The following RNF213 variants were observed in gnomAD, a reference collection of about 807,000 sequenced individuals.
RNF213 encodes ring finger protein 213.
Under a neutral mutation model 514.4 loss-of-function variants are expected in RNF213, and 341 were observed. That is an observed-to-expected ratio of 0.66 (90% CI 0.61 to 0.73). RNF213 has a LOEUF of 0.73. Among genes scored for constraint, RNF213 ranks in the 30% least tolerant of loss-of-function variants. The probability of loss-of-function intolerance (pLI) is 0.00; values close to 1 mark genes in which losing one functional copy is unlikely to be tolerated. For synonymous variants in RNF213, 2,655 were observed against 2,658.2 expected (o/e 1.00, Z 0.04); for missense variants, 5,767 against 6,615.6 (o/e 0.87, Z 4.45).
In RNF213 at chr17:80,339,821, G is replaced by A. The variant is rs371629445; in HGVS notation, c.5454G>A (p.Glu1818=). The A allele has an allele frequency of 2.3e-5, 36 of 1,535,016 alleles. No individual in the cohort carries two copies. In the South Asian group the frequency reaches 3.8e-4, roughly 16 times the overall value. The stretch of plus-strand genomic sequence containing the variant: ...CAGGGATGGGTGGGTCTCCCGTGGA[G>A]CGTTGTCTCCCGAGAGGTCTGCAGG... The part of the protein sequence containing the change: ...HLAGMGGSPV[E]RCLPRGLQVG... Residue 1818 remains glutamate (E), a synonymous_variant, in exon 26 of 68, where the codon GAG becomes GAA. Transcript: ENST00000582970.
Position 80,317,720 on chromosome 17 carries a change from A to C in RNF213, c.2901+443A>C, listed in dbSNP as rs1407360777. On this transcript the variant is annotated intron_variant, in intron 16 of 67. Coordinates refer to ENST00000582970, the MANE Select transcript of RNF213 (RefSeq NM_001256071.3). The surrounding 1 kb of genome is among the most constrained non-coding windows in gnomAD (Gnocchi z 4.1). ...GTGCCTGCAACCCCCGAAGCTCCAGAGGGCATGTTACAGTGCTCTCTTAGC... is the reference window on the plus strand; with the variant it reads ...GTGCCTGCAACCCCCGAAGCTCCAGCGGGCATGTTACAGTGCTCTCTTAGC... Among the ~76,000 whole-genome samples the C allele has an allele frequency of 1.3e-5, 2 of 152,164 alleles. No individual in the cohort carries two copies. The highest frequency in any genetic ancestry group is 2.9e-5 in the Non-Finnish European group (2 of 68,024).
chr17:80,299,648 T>C (rs898109884), intron 11 of RNF213, among the ~76,000 whole-genome samples: 3 of 152,100 alleles, frequency 2.0e-5, no homozygotes, highest in Non-Finnish European at 4.4e-5. Context: ...TTGTACAGAT[T>C]ATTTCATCAT....
At chr17:80,352,903 A>G (rs1459595118) in intron 32 of RNF213, 37 bp from the exon 33 acceptor site, 4 of 1,613,632 alleles carry the variant, frequency 2.5e-6, no homozygotes. Context: ...GCCGGGAAAG[A>G]CACAAAGACA....
intron 21 of RNF213, 136 bp downstream of exon 21, chr17:80,332,767 T>C (rs1359502225): frequency 9.9e-7 from 1 of 1,011,842 alleles, no homozygotes. Context: ...GTGTGTGTGG[T>C]ACTTGAGGCC....
chr17:80,364,412 A>AGTGG, intron 41 of RNF213, 21 bp from the exon 42 acceptor site: 1 of 1,613,716 alleles, frequency 6.2e-7, no homozygotes. Context: ...TGAGTGAGTG[A>AGTGG]GTGGCGCCCT....
At chr17:80,306,109 T>G (rs2045348734) in intron 11 of RNF213, 143 bp from the exon 12 acceptor site, 3 of 800,264 alleles carry the variant, frequency 3.7e-6, no homozygotes, top group South Asian at 2.9e-5. Flanking sequence ...GATTCAGGTG[T>G]GAGCCACCAC....
At position 80,288,624 on chromosome 17, in the gene RNF213, G is replaced by T; in HGVS notation, c.811-9G>T. ...TGTCACCTTGGCTCTGGTGTTTGGGGTCTTTCAGGCAGTTGATGCTGTAGC... is the reference window on the plus strand; with the variant it reads ...TGTCACCTTGGCTCTGGTGTTTGGGTTCTTTCAGGCAGTTGATGCTGTAGC... On this transcript the variant is annotated splice_polypyrimidine_tract_variant and intron_variant, in intron 4 of 67. Coordinates refer to ENST00000582970, the MANE Select transcript of RNF213 (RefSeq NM_001256071.3). The surrounding 1 kb of genome is among the most constrained non-coding windows in gnomAD (Gnocchi z 4.9). 1 of 1,614,194 alleles carries T rather than the reference G, an allele frequency of 6.2e-7. No homozygotes were observed. Among genetic ancestry groups the T allele is most frequent in the African/African-American group, 1.3e-5 (1 of 75,050 alleles).
At chr17:80,289,264 G>T (rs1031968028) in intron 5 of RNF213, among the ~76,000 whole-genome samples, 2 of 152,194 alleles carry the variant, frequency 1.3e-5, no homozygotes, top group Admixed American at 6.5e-5. Flanking sequence ...GAACATTCTG[G>T]CCGCTGTAAG....
At chr17:80,373,285 C>T (rs2079598767) in intron 49 of RNF213, 120 bp downstream of exon 49, 1 of 710,630 alleles carries the variant, frequency 1.4e-6, no homozygotes, top group Admixed American at 2.2e-5. Context: ...CTCACACCTT[C>T]CCCACCACAT....
Position 80,352,737 on chromosome 17 carries a change from C to T in RNF213, c.10304-203C>T, listed in dbSNP as rs569893932. ...CCGTTGCTGCTTATGGTGAAGCTGTCGATGGGCATAGAATCGGGTCGTGTA... is the reference window on the plus strand; with the variant it reads ...CCGTTGCTGCTTATGGTGAAGCTGTTGATGGGCATAGAATCGGGTCGTGTA... On this transcript the variant is annotated intron_variant, in intron 32 of 67. Coordinates refer to ENST00000582970, the MANE Select transcript of RNF213 (RefSeq NM_001256071.3). 32 of 740,706 alleles carry T rather than the reference C, an allele frequency of 4.3e-5. 1 individual carries two copies. Among genetic ancestry groups the T allele is most frequent in the South Asian group, 2.6e-4 (17 of 65,732 alleles). 45.9% of individuals were successfully genotyped at this position (740,706 alleles called of 1,614,324 possible).
intron 18 of RNF213, among the ~76,000 whole-genome samples, chr17:80,327,190 T>C (rs1054898157): frequency 4.6e-5 from 7 of 152,218 alleles, no homozygotes; most frequent in Non-Finnish European, 1.0e-4. Flanking sequence ...GAAGATTCTG[T>C]GTATTCTATT....
chr17:80,293,181 C>G (rs183953855), intron 8 of RNF213, among the ~76,000 whole-genome samples: 1 of 152,060 alleles, frequency 6.6e-6, no homozygotes, highest in African/African-American at 2.4e-5. Flanking sequence ...CTCAGCCCCC[C>G]CAAGTAGCTG....
chr17:80,360,930 AC>A (rs774488037), intron 38 of RNF213, among the ~76,000 whole-genome samples: 1 of 151,824 alleles, frequency 6.6e-6, no homozygotes, highest in Non-Finnish European at 1.5e-5. Context: ...TCAGGACAAT[AC>A]CCCAACTGAC....
At chr17:80,324,918 C>T in intron 17 of RNF213, 112 bp from the exon 18 acceptor site, 1 of 1,079,598 alleles carries the variant, frequency 9.3e-7, no homozygotes, top group South Asian at 1.5e-5. Context: ...CCTTATAAAA[C>T]AAGTTACAGT....
At position 80,343,370 on chromosome 17, in the gene RNF213, G is replaced by A. The variant is rs1230064331; in HGVS notation, c.6183+45G>A. The A allele has an allele frequency of 1.1e-5, 17 of 1,516,452 alleles. No homozygotes were observed. The highest frequency in any genetic ancestry group is 4.6e-5 in the East Asian group (2 of 43,314). The allele number at this position is 1,516,452 out of a possible 1,614,324, so 93.9% of individuals were successfully genotyped here. The stretch of plus-strand genomic sequence containing the variant: ...AGCCGATGGCCACATCAGTAAAGAC[G>A]TGGTCCCCATGTCTCTGCGTGACTC... On this transcript the variant is annotated intron_variant, in intron 27 of 67. Coordinates refer to ENST00000582970, the MANE Select transcript of RNF213 (RefSeq NM_001256071.3). This position sits in a 1 kb window ranked among gnomAD's most constrained non-coding sequence, Gnocchi z 4.3.
At position 80,295,143 on chromosome 17, in the gene RNF213, TG is replaced by T. The variant is rs572611641; in HGVS notation, c.1755+141del. ...ACTTTCCAGCCTTTTCTCCTACCAC[TG>T]TCTCTTGGGATTTCTCTGCCCTCCC... is the stretch of plus-strand genomic sequence containing the variant. On this transcript the variant is annotated intron_variant, in intron 9 of 67. Coordinates refer to ENST00000582970, the MANE Select transcript of RNF213 (RefSeq NM_001256071.3). 3.5e-4 allele frequency: 350 copies of T among 996,890 alleles called. 1 individual carries two copies. In the African/African-American group the frequency reaches 4.8e-3, roughly 14 times the overall value. The allele number at this position is 996,890 out of a possible 1,614,324, so 61.8% of individuals were successfully genotyped here. A position where few individuals can be genotyped will look rare whatever the true frequency, so the allele number is the denominator to read the frequency against.
intron 63 of RNF213, among the ~76,000 whole-genome samples, chr17:80,387,123 G>C (rs892587168): frequency 6.6e-6 from 1 of 152,222 alleles, no homozygotes; most frequent in Non-Finnish European, 1.5e-5. Context: ...CCAAGGAACT[G>C]TTGAGGTCTT....
chr17:80,364,975 A>T (rs560558137), intron 42 of RNF213: 1 of 286,442 alleles, frequency 3.5e-6, no homozygotes, highest in African/African-American at 2.2e-5. Flanking sequence ...GGTCTTCAAA[A>T]CAGTGCTGTC....
chr17:80,373,039 C>T lies in RNF213; in HGVS notation c.12816C>T (p.Asn4272=), dbSNP rs375665467. The change falls in exon 49 of 68, where the codon AAC becomes AAT. Residue 4272 remains asparagine, a synonymous_variant. Coordinates refer to ENST00000582970, the MANE Select transcript of RNF213 (RefSeq NM_001256071.3). ...QVKQFCIRVE[N]DWHRVYLVRK... The stretch of plus-strand genomic sequence containing the variant: ...AGCAGTTCTGTATCCGGGTGGAGAA[C>T]GACTGGCACCGGGTGTACCTGGTGC... 37 of 1,613,896 alleles carry T rather than the reference C, an allele frequency of 2.3e-5. No homozygotes were observed. The highest frequency in any genetic ancestry group is 3.0e-5 in the Non-Finnish European group (35 of 1,180,000).
Sources: gnomAD v4.1 joint callset for allele counts (sites outside exome capture counted in the v4.1 genomes callset) on GRCh38, gnomAD v4.1.1 for gene constraint, Gnocchi (gnomAD v3.1) non-coding constraint, MANE v1.5 for transcripts, NCBI Gene and HGNC (gene_info 2026-07-23, HGNC 2026-07-21) for gene names.